FMN1: variants seen among roughly 807,000 people sequenced by gnomAD.
The protein encoded by FMN1 is formin-1.
Under a neutral mutation model 132.4 loss-of-function variants are expected in FMN1, and 110 were observed. The observed-to-expected ratio is 0.83, with a 90% confidence interval of 0.71 to 0.97. The LOEUF is 0.97. Among genes scored for constraint, FMN1 ranks in the 50% least tolerant of loss-of-function variants. FMN1 has a pLI of 0.00. For synonymous variants in FMN1, 722 were observed against 651.7 expected (o/e 1.11, Z -1.64); for missense variants, 1,792 against 1,705.3 (o/e 1.05, Z -0.90).
At chr15:33,135,796 C>A (rs531995831) in intron 4 of FMN1, among the ~76,000 whole-genome samples, 1 of 152,184 alleles carries the variant, frequency 6.6e-6, no homozygotes, top group Non-Finnish European at 1.5e-5. Context: ...ACTAACTGTT[C>A]TATTCTATGA....
chr15:33,077,083 C>T (rs1461926300), intron 5 of FMN1, among the ~76,000 whole-genome samples: 3 of 152,178 alleles, frequency 2.0e-5, no homozygotes, highest in Non-Finnish European at 4.4e-5. Flanking sequence ...GGCTGGAGTG[C>T]AGTGGGGGCA....
At chr15:32,782,985 C>T (rs1210731840) in intron 19 of FMN1, among the ~76,000 whole-genome samples, 4 of 51,828 alleles carry the variant, frequency 7.7e-5, no homozygotes, top group Admixed American at 2.7e-4. Flanking sequence ...AAATAACAGA[C>T]GCTGGGGGTG....
chr15:33,181,096 G>T (rs750625361), intron 2 of FMN1, among the ~76,000 whole-genome samples: 1 of 152,128 alleles, frequency 6.6e-6, no homozygotes, highest in Non-Finnish European at 1.5e-5. Context: ...TGGCCTGAAA[G>T]GCTCCGTGTG....
At chr15:33,045,123 C>T (rs1207370413) in intron 6 of FMN1, among the ~76,000 whole-genome samples, 4 of 152,244 alleles carry the variant, frequency 2.6e-5, no homozygotes, top group African/African-American at 4.8e-5. Flanking sequence ...CAGGTGCCAC[C>T]GCATTCCCTG....
intron 7 of FMN1, among the ~76,000 whole-genome samples, chr15:32,988,288 G>A (rs7169128): frequency 0.038 from 5,719 of 151,944 alleles, 368 homozygotes; most frequent in African/African-American, 0.13. Flanking sequence ...TAAAGCGTTG[G>A]GGAAGAGGAA....
chr15:32,911,273 C>T lies in FMN1; in HGVS notation c.3227-738G>A, dbSNP rs145520588. On this transcript the variant is annotated intron_variant, in intron 10 of 20. Coordinates refer to ENST00000616417, the MANE Select transcript of FMN1 (RefSeq NM_001277313.2). The stretch of plus-strand genomic sequence containing the variant: ...TAAAATCCTTAATGGATTTGGCTAT[C>T]GAAGTGTTTGAAATAAGCAGGTCCA... Among the ~76,000 whole-genome samples the T allele has an allele frequency of 1.1e-3, 173 of 152,246 alleles. 1 individual carries two copies. Among genetic ancestry groups the T allele is most frequent in the African/African-American group, 4.0e-3 (165 of 41,548 alleles).
chr15:32,985,344 G>GCTAA (rs2032998639), intron 7 of FMN1, among the ~76,000 whole-genome samples: 1 of 152,050 alleles, frequency 6.6e-6, no homozygotes, highest in Admixed American at 6.6e-5. Context: ...TGCCTGCTGT[G>GCTAA]CTAACGTCTC....
intron 17 of FMN1, among the ~76,000 whole-genome samples, chr15:32,805,710 T>G (rs2057655599): frequency 6.6e-6 from 1 of 152,222 alleles, no homozygotes. Flanking sequence ...TGGTCCCTCT[T>G]GCACGTCTCA....
intron 9 of FMN1, among the ~76,000 whole-genome samples, chr15:32,938,503 T>C (rs931938200): frequency 6.6e-6 from 1 of 152,146 alleles, no homozygotes; most frequent in African/African-American, 2.4e-5. Flanking sequence ...CTCGCCAGCC[T>C]GGGTGACAGA....
intron 9 of FMN1, among the ~76,000 whole-genome samples, chr15:32,956,455 A>C (rs530945526): frequency 9.2e-5 from 14 of 152,244 alleles, no homozygotes; most frequent in Admixed American, 8.5e-4. Context: ...GAATTTTTGT[A>C]AACTGGTGCC....
At chr15:32,944,312 G>A (rs190974011) in intron 9 of FMN1, among the ~76,000 whole-genome samples, 1 of 152,308 alleles carries the variant, frequency 6.6e-6, no homozygotes, top group East Asian at 1.9e-4. Flanking sequence ...TGGCTGTGTA[G>A]TGCCATATTA....
chr15:32,873,806 TA>T (rs749310910), intron 16 of FMN1, among the ~76,000 whole-genome samples: 1 of 152,062 alleles, frequency 6.6e-6, no homozygotes, highest in African/African-American at 2.4e-5. Context: ...TGATAAAACT[TA>T]AAGTCATGGA....
At chr15:32,967,077 A>G (rs535075546) in intron 8 of FMN1, among the ~76,000 whole-genome samples, 1 of 152,342 alleles carries the variant, frequency 6.6e-6, no homozygotes, top group East Asian at 1.9e-4. Context: ...TTGATGTCCT[A>G]TTCATCTACT....
intron 6 of FMN1, among the ~76,000 whole-genome samples, chr15:33,061,471 T>G (rs2037479911): frequency 6.6e-6 from 1 of 152,058 alleles, no homozygotes; most frequent in East Asian, 1.9e-4. Context: ...ACCATACATT[T>G]AATTTGCTGA....
At chr15:32,853,203 G>GT (rs1475235058) in intron 17 of FMN1, among the ~76,000 whole-genome samples, 4 of 152,068 alleles carry the variant, frequency 2.6e-5, no homozygotes, top group Admixed American at 2.6e-4. Flanking sequence ...TTATTATTTT[G>GT]TTTTTTCAAC....
At chr15:32,953,427 G>C (rs993954042) in intron 9 of FMN1, among the ~76,000 whole-genome samples, 1 of 152,150 alleles carries the variant, frequency 6.6e-6, no homozygotes, top group Non-Finnish European at 1.5e-5. Context: ...GCAGATTTTT[G>C]AATTTCCAAT....
intron 19 of FMN1, among the ~76,000 whole-genome samples, chr15:32,791,127 T>C (rs979028324): frequency 3.3e-5 from 5 of 151,896 alleles, no homozygotes; most frequent in Admixed American, 6.6e-5. Flanking sequence ...TGAGTGGTCA[T>C]AGTAGGTGCA....
intron 3 of FMN1, among the ~76,000 whole-genome samples, chr15:33,175,101 C>G (rs968971636): frequency 1.3e-5 from 2 of 152,094 alleles, no homozygotes; most frequent in Non-Finnish European, 1.5e-5. Flanking sequence ...TTATGGCTCA[C>G]TGCAGCCTTG....
At chr15:33,003,776 C>A (rs933410498) in intron 7 of FMN1, among the ~76,000 whole-genome samples, 57 of 152,344 alleles carry the variant, frequency 3.7e-4, no homozygotes, top group African/African-American at 1.4e-3. Context: ...AGGCATCACA[C>A]TACCTGACTT....
Sources: gnomAD v4.1 joint callset for allele counts (sites outside exome capture counted in the v4.1 genomes callset) on GRCh38, gnomAD v4.1.1 for gene constraint, MANE v1.5 for transcripts, NCBI Gene and HGNC (gene_info 2026-07-23, HGNC 2026-07-21) for gene names.